The following CACNA1G variants were observed in gnomAD, a reference collection of about 807,000 sequenced individuals.
CACNA1G encodes voltage-dependent T-type calcium channel subunit alpha-1G.
A neutral mutation model predicts 219.4 loss-of-function variants in CACNA1G; 67 were observed. That is an observed-to-expected ratio of 0.31 (90% CI 0.25 to 0.37). CACNA1G has a LOEUF of 0.37. CACNA1G is among the 10% of genes least tolerant of loss of function. The pLI, the probability that CACNA1G is intolerant of heterozygous loss-of-function variation, is 1.00. For synonymous variants in CACNA1G, 1,296 were observed against 1,345.3 expected (o/e 0.96, Z 0.80); for missense variants, 2,380 against 3,231.4 (o/e 0.74, Z 6.39).
At chr17:50,595,093 C>T (rs1485822896) in intron 14 of CACNA1G, 32 bp downstream of exon 14, 2 of 1,526,204 alleles carry the variant, frequency 1.3e-6, no homozygotes, top group African/African-American at 2.8e-5. Context: ...GGCATGCCTC[C>T]CGTGCCCCAT....
In CACNA1G at chr17:50,561,381, C is replaced by G; in HGVS notation, c.-79C>G. On this transcript the variant is annotated 5_prime_UTR_variant, in exon 1 of 38. Coordinates refer to ENST00000359106, the MANE Select transcript of CACNA1G (RefSeq NM_018896.5). ...CCAGATGTGCCCCCGCCGGGGCCCC[C>G]GGGTTGCGTGAGGACACCTCCTCTG... 6.6e-7 allele frequency: 1 copy of G among 1,523,124 alleles called. No individual in the cohort carries two copies. Among genetic ancestry groups the G allele is most frequent in the Non-Finnish European group, 8.8e-7 (1 of 1,138,540 alleles). The allele number at this position is 1,523,124 out of a possible 1,614,324, so 94.4% of individuals were successfully genotyped here.
At chr17:50,582,372 G>T (rs1181620327) in intron 9 of CACNA1G, among the ~76,000 whole-genome samples, 1 of 152,224 alleles carries the variant, frequency 6.6e-6, no homozygotes, top group Non-Finnish European at 1.5e-5. Context: ...AGAGCAGAGG[G>T]CTGGGGAGAG....
At chr17:50,597,531 T>C (rs975078141) in intron 16 of CACNA1G, among the ~76,000 whole-genome samples, 2 of 152,224 alleles carry the variant, frequency 1.3e-5, no homozygotes, top group African/African-American at 4.8e-5. Context: ...TTGTGTATAT[T>C]TATGGGGCAC....
At position 50,561,483 on chromosome 17, in the gene CACNA1G, G is replaced by A. The variant is rs1170909715; in HGVS notation, c.24G>A (p.Ala8=). 6.5e-7 allele frequency: 1 copy of A among 1,534,912 alleles called. No homozygotes were observed. The highest frequency in any genetic ancestry group is 8.7e-7 in the Non-Finnish European group (1 of 1,146,540). ...GGATGGACGAGGAGGAGGATGGAGC[G>A]GGCGCCGAGGAGTCGGGACAGCCCC... The part of the protein sequence containing the change: MDEEEDG[A]GAEESGQPRS... The change falls in exon 1 of 38, where the codon GCG becomes GCA. Residue 8 remains alanine, a synonymous_variant. Transcript: ENST00000359106.
At position 50,604,142 on chromosome 17, in the gene CACNA1G, C is replaced by A; in HGVS notation, c.4170-13C>A. The A allele has an allele frequency of 6.2e-7, 1 of 1,611,230 alleles. No homozygotes were observed. The highest frequency in any genetic ancestry group is 1.1e-5 in the South Asian group (1 of 90,790). On this transcript the variant is annotated splice_polypyrimidine_tract_variant and intron_variant, in intron 21 of 37. Coordinates refer to ENST00000359106, the MANE Select transcript of CACNA1G (RefSeq NM_018896.5). ...GGGGGAAGCCTTATCACCTCCCTCCCTCCCCTCCCCAGGGTGATCAGCCGG... is the reference window on the plus strand; with the variant it reads ...GGGGGAAGCCTTATCACCTCCCTCCATCCCCTCCCCAGGGTGATCAGCCGG...
chr17:50,613,832 C>A (rs2049817868), intron 26 of CACNA1G, among the ~76,000 whole-genome samples: 1 of 151,880 alleles, frequency 6.6e-6, no homozygotes. Context: ...GCCCACCCGG[C>A]CCACCCTCCA....
chr17:50,606,336 A>C (rs1282788637), intron 23 of CACNA1G: 2 of 643,950 alleles, frequency 3.1e-6, no homozygotes, highest in Admixed American at 4.6e-5. Context: ...GGGGGCAGGC[A>C]GCCCTGGATG....
At chr17:50,590,731 G>C (rs2044122230) in intron 10 of CACNA1G, 109 bp downstream of exon 10, 5 of 994,234 alleles carry the variant, frequency 5.0e-6, no homozygotes, top group Non-Finnish European at 7.4e-6. Context: ...TCTGGAGTCA[G>C]GCCCCACTGA....
At chr17:50,591,889 C>T (rs547378640) in intron 12 of CACNA1G, 36 bp downstream of exon 12, 21 of 1,612,910 alleles carry the variant, frequency 1.3e-5, no homozygotes, top group South Asian at 1.2e-4. Flanking sequence ...GGACAGGGGC[C>T]GTCAGGTGCC....
intron 8 of CACNA1G, among the ~76,000 whole-genome samples, chr17:50,576,939 C>T (rs1272185131): frequency 2.0e-5 from 3 of 152,180 alleles, no homozygotes; most frequent in South Asian, 2.1e-4. Flanking sequence ...CTCCCAGTGT[C>T]GTGGGGGCAG....
rs58450142 is a variant in CACNA1G, at chr17:50,569,015, T to TGTGTGTGTGTGTGTGTGTGTTG, written c.354+34_354+35insGTGTGTGTGTGTGTGTGTGTTG. 4,178 of 1,225,254 alleles carry TGTGTGTGTGTGTGTGTGTGTTG rather than the reference T, an allele frequency of 3.4e-3. 23 individuals are homozygous for TGTGTGTGTGTGTGTGTGTGTTG. Among genetic ancestry groups the TGTGTGTGTGTGTGTGTGTGTTG allele is most frequent in the African/African-American group, 0.012 (777 of 64,570 alleles). 75.9% of individuals were successfully genotyped at this position (1,225,254 alleles called of 1,614,324 possible). ...GTGTGTGTGTGTGTGTGTGTGTGTG[T>TGTGTGTGTGTGTGTGTGTGTTG]TGTGTGTGTTGGGGGTTGGCCCCTC... On this transcript the variant is annotated intron_variant, in intron 2 of 37. Transcript: ENST00000359106.
rs1946276737 is a variant in CACNA1G at position 50,606,510 on chromosome 17, T to C, written c.4423-390T>C. On this transcript the variant is annotated intron_variant, in intron 23 of 37. Coordinates refer to ENST00000359106, the MANE Select transcript of CACNA1G (RefSeq NM_018896.5). ...AGATGATGTGTATATTTCTTTAACATGGTGGAAGGGACGGATATATTGTCA... is the reference window on the plus strand; with the variant it reads ...AGATGATGTGTATATTTCTTTAACACGGTGGAAGGGACGGATATATTGTCA... 26 of 567,244 alleles carry C rather than the reference T, an allele frequency of 4.6e-5. 1 individual carries two copies. In the South Asian group the frequency reaches 6.0e-4, roughly 13 times the overall value. The allele number at this position is 567,244 out of a possible 1,614,324, so 35.1% of individuals were successfully genotyped here.
Position 50,627,021 on chromosome 17 carries a change from T to G in CACNA1G, c.*270T>G, listed in dbSNP as rs931561747. 1 of 637,596 alleles carries G rather than the reference T, an allele frequency of 1.6e-6. No homozygotes were observed. The highest frequency in any genetic ancestry group is 2.9e-6 in the Non-Finnish European group (1 of 346,220). 39.5% of individuals were successfully genotyped at this position (637,596 alleles called of 1,614,324 possible). A position where few individuals can be genotyped will look rare whatever the true frequency, so the allele number is the denominator to read the frequency against. Reference sequence around the variant, plus strand: ...AGCTGTTGGGAGAAAGCAATACGTTTGTGCAGAATCTCTATGTATATTCTA... The same window carrying G: ...AGCTGTTGGGAGAAAGCAATACGTTGGTGCAGAATCTCTATGTATATTCTA... On this transcript the variant is annotated 3_prime_UTR_variant, in exon 38 of 38. Coordinates refer to ENST00000359106, the MANE Select transcript of CACNA1G (RefSeq NM_018896.5).
At position 50,603,815 on chromosome 17, in the gene CACNA1G, A is replaced by G. The variant is rs2047343096; in HGVS notation, c.4170-340A>G. 6.6e-6 allele frequency among the ~76,000 whole-genome samples: 1 copy of G among 151,134 alleles called. No individual in the cohort carries two copies. Among genetic ancestry groups the G allele is most frequent in the African/African-American group, 2.4e-5 (1 of 41,038 alleles). On this transcript the variant is annotated intron_variant, in intron 21 of 37. Coordinates refer to ENST00000359106, the MANE Select transcript of CACNA1G (RefSeq NM_018896.5). The surrounding 1 kb of genome is among the most constrained non-coding windows in gnomAD (Gnocchi z 6.4). The stretch of plus-strand genomic sequence containing the variant: ...CCTTCCCCTCTCTGCCTGCTCCCCT[A>G]CAAGTTTATCTCCTGGTGCCCCCAA...
intron 1 of CACNA1G, among the ~76,000 whole-genome samples, chr17:50,566,169 C>G (rs2037788029): frequency 6.6e-6 from 1 of 152,106 alleles, no homozygotes; most frequent in African/African-American, 2.4e-5. Flanking sequence ...TGAGAGGGGT[C>G]TTTTTAATTA....
chr17:50,571,760 G>A lies in CACNA1G; in HGVS notation c.587-118G>A. On this transcript the variant is annotated intron_variant, in intron 4 of 37. Transcript: ENST00000359106. This position sits in a 1 kb window ranked among gnomAD's most constrained non-coding sequence, Gnocchi z 4.3. ...TCTGTTGGTCTCCCCTCCAGCTTGA[G>A]CCGGGCCGTCTCAGCCTCAGAGTCC... The A allele has an allele frequency of 7.1e-6, 7 of 989,158 alleles. No individual in the cohort carries two copies. Among genetic ancestry groups the A allele is most frequent in the Non-Finnish European group, 9.2e-6 (6 of 655,458 alleles). The allele number at this position is 989,158 out of a possible 1,614,324, so 61.3% of individuals were successfully genotyped here. A position where few individuals can be genotyped will look rare whatever the true frequency, so the allele number is the denominator to read the frequency against.
chr17:50,606,816 C>T, intron 23 of CACNA1G, 84 bp from the exon 24 acceptor site: 1 of 940,100 alleles, frequency 1.1e-6, no homozygotes. Flanking sequence ...GGAGCTGATG[C>T]AGGAGGCACT....
At chr17:50,610,475 C>CA (rs1567729911) in intron 26 of CACNA1G, among the ~76,000 whole-genome samples, 2 of 152,118 alleles carry the variant, frequency 1.3e-5, no homozygotes, top group African/African-American at 4.8e-5. Flanking sequence ...GAGCTTCTTC[C>CA]AAAAAAAGCC....
intron 9 of CACNA1G, 95 bp from the exon 10 acceptor site, chr17:50,590,376 C>G: frequency 1.4e-6 from 2 of 1,387,342 alleles, no homozygotes; most frequent in Non-Finnish European, 2.0e-6. Flanking sequence ...GCTTGCTATT[C>G]CTGCTCCTCC....
Sources: allele counts gnomAD v4.1 joint callset (sites outside exome capture counted in the v4.1 genomes callset), GRCh38; gene constraint gnomAD v4.1.1; non-coding constraint Gnocchi (gnomAD v3.1); transcripts MANE v1.5; gene names NCBI Gene and HGNC (gene_info 2026-07-23, HGNC 2026-07-21).